Variants in SLC9A9 observed in about 807,000 individuals in gnomAD.
SLC9A9 encodes sodium/hydrogen exchanger 9.
SLC9A9 carries 62 observed loss-of-function variants against 77.8 expected under a neutral mutation model. That is an observed-to-expected ratio of 0.80 (90% CI 0.65 to 0.98). The LOEUF is 0.98. Among genes scored for constraint, SLC9A9 ranks in the 50% least tolerant of loss-of-function variants. SLC9A9 has a pLI of 0.00. For synonymous variants in SLC9A9, 320 were observed against 283.5 expected (o/e 1.13, Z -1.29); for missense variants, 775 against 774.9 (o/e 1.00, Z 0.00).
intron 12 of SLC9A9, among the ~76,000 whole-genome samples, chr3:143,452,503 T>TAAAAAAAAAAA (rs58038873): frequency 2.8e-5 from 3 of 108,880 alleles, no homozygotes; most frequent in Non-Finnish European, 3.9e-5. Context: ...TTAAAAAGAC[T>TAAAAAAAAAAA]AAAAAAAAAA....
At chr3:143,321,905 A>T (rs879923260) in intron 14 of SLC9A9, among the ~76,000 whole-genome samples, 1 of 152,166 alleles carries the variant, frequency 6.6e-6, no homozygotes, top group Non-Finnish European at 1.5e-5. Flanking sequence ...GTAAGTGAAT[A>T]TCCACACAAC....
intron 14 of SLC9A9, among the ~76,000 whole-genome samples, chr3:143,276,959 A>C (rs926523870): frequency 6.6e-6 from 1 of 152,220 alleles, no homozygotes; most frequent in African/African-American, 2.4e-5. Context: ...AGGCTGATAA[A>C]GTGGTATGCT....
intron 2 of SLC9A9, among the ~76,000 whole-genome samples, chr3:143,812,622 A>G (rs985979091): frequency 6.6e-6 from 1 of 152,216 alleles, no homozygotes. Flanking sequence ...GTTCAGGCCA[A>G]CTGAATATGG....
chr3:143,679,720 C>T (rs1933019521), intron 5 of SLC9A9, among the ~76,000 whole-genome samples: 1 of 152,010 alleles, frequency 6.6e-6, no homozygotes. Flanking sequence ...AGTTGATACT[C>T]CTAAAGGAAC....
At chr3:143,447,417 C>T (rs889392885) in intron 12 of SLC9A9, among the ~76,000 whole-genome samples, 1 of 152,144 alleles carries the variant, frequency 6.6e-6, no homozygotes, top group Non-Finnish European at 1.5e-5. Context: ...TCTTGTGTTT[C>T]TTTTGTTGCC....
intron 14 of SLC9A9, among the ~76,000 whole-genome samples, chr3:143,318,377 A>C (rs2031302376): frequency 6.6e-6 from 1 of 152,206 alleles, no homozygotes; most frequent in Non-Finnish European, 1.5e-5. Flanking sequence ...TTCTTTGAAG[A>C]ACTCAAAGTA....
intron 12 of SLC9A9, among the ~76,000 whole-genome samples, chr3:143,460,353 C>A (rs2035168702): frequency 6.6e-6 from 1 of 152,034 alleles, no homozygotes; most frequent in Non-Finnish European, 1.5e-5. Context: ...TGTGCTTACT[C>A]CATTTTGACC....
chr3:143,754,434 T>A (rs1464487671), intron 4 of SLC9A9, among the ~76,000 whole-genome samples: 2 of 152,218 alleles, frequency 1.3e-5, no homozygotes, highest in Admixed American at 6.5e-5. Flanking sequence ...CCAAACACGA[T>A]TATTTTGCCA....
At chr3:143,736,024 T>C (rs1934933038) in intron 4 of SLC9A9, among the ~76,000 whole-genome samples, 2 of 152,228 alleles carry the variant, frequency 1.3e-5, no homozygotes, top group African/African-American at 4.8e-5. Context: ...GCAAACAACT[T>C]CCCATGTTAT....
At chr3:143,308,554 C>T (rs546597879) in intron 14 of SLC9A9, among the ~76,000 whole-genome samples, 39 of 149,824 alleles carry the variant, frequency 2.6e-4, no homozygotes, top group South Asian at 6.4e-4. Flanking sequence ...CCAGCCTGGG[C>T]GACAGAGCGA....
At chr3:143,482,095 TG>T (rs1201945978) in intron 11 of SLC9A9, among the ~76,000 whole-genome samples, 1 of 152,166 alleles carries the variant, frequency 6.6e-6, no homozygotes, top group Non-Finnish European at 1.5e-5. Flanking sequence ...TATAGAACAC[TG>T]GGGTTCCATG....
At chr3:143,475,773 C>A (rs571462131) in intron 11 of SLC9A9, among the ~76,000 whole-genome samples, 24 of 134,198 alleles carry the variant, frequency 1.8e-4, no homozygotes, top group African/African-American at 6.3e-4. Context: ...GCCTGGGCGA[C>A]AGAGCGAGAC....
In SLC9A9 at chr3:143,270,273, A is replaced by G. The variant is rs1937862488; in HGVS notation, c.1605-1293T>C. 3.9e-5 allele frequency among the ~76,000 whole-genome samples: 6 copies of G among 152,196 alleles called. No individual in the cohort carries two copies. The South Asian group carries it at 1.2e-3, about 32-fold the overall frequency. ...TCTGAAAAGCTCTTGATGTTCTTTT[A>G]ATTTTCATTAGTGTTATTTCTTTCA... On this transcript the variant is annotated intron_variant, in intron 14 of 15. Transcript: ENST00000316549.
chr3:143,611,037 A>T (rs1041815068), intron 6 of SLC9A9, among the ~76,000 whole-genome samples: 3 of 152,208 alleles, frequency 2.0e-5, no homozygotes, highest in Admixed American at 2.0e-4. Flanking sequence ...AACTTCCAAA[A>T]ACTATTATCA....
intron 4 of SLC9A9, among the ~76,000 whole-genome samples, chr3:143,747,705 CTG>C (rs1935228570): frequency 6.6e-6 from 1 of 152,194 alleles, no homozygotes; most frequent in Non-Finnish European, 1.5e-5. Context: ...CCAACAGCCT[CTG>C]GGAAAAAAGA....
rs190683468 is a variant in SLC9A9 at position 143,415,121 on chromosome 3, G to T, written c.1470-33007C>A. Among the ~76,000 whole-genome samples, 1,158 of 152,320 alleles carry T rather than the reference G, an allele frequency of 7.6e-3. 9 individuals are homozygous for T. Among genetic ancestry groups the T allele is most frequent in the Non-Finnish European group, 0.014 (931 of 68,020 alleles). Reference sequence around the variant, plus strand: ...TTCAATTCTGTGAAGATTGAGAGGGGTGAGGAAACTGCAGAAGAAAAGTTT... The same window carrying T: ...TTCAATTCTGTGAAGATTGAGAGGGTTGAGGAAACTGCAGAAGAAAAGTTT... On this transcript the variant is annotated intron_variant, in intron 12 of 15. Transcript: ENST00000316549.
At chr3:143,584,810 G>A (rs993183083) in intron 6 of SLC9A9, among the ~76,000 whole-genome samples, 1 of 152,130 alleles carries the variant, frequency 6.6e-6, no homozygotes, top group Admixed American at 6.5e-5. Context: ...AAAACTTAGC[G>A]CAGCCCAACT....
intron 6 of SLC9A9, among the ~76,000 whole-genome samples, chr3:143,647,581 G>T (rs1398306042): frequency 2.6e-5 from 4 of 152,090 alleles, no homozygotes; most frequent in Non-Finnish European, 4.4e-5. Flanking sequence ...ACACAGCAAA[G>T]GTATCTGATT....
intron 5 of SLC9A9, among the ~76,000 whole-genome samples, chr3:143,672,636 G>T (rs1252347934): frequency 6.6e-6 from 1 of 152,102 alleles, no homozygotes; most frequent in East Asian, 1.9e-4. Flanking sequence ...TTTAATTATA[G>T]GTTCTTGGGT....
Sources: allele counts gnomAD v4.1 joint callset (sites outside exome capture counted in the v4.1 genomes callset), GRCh38; gene constraint gnomAD v4.1.1; transcripts MANE v1.5; gene names NCBI Gene and HGNC (gene_info 2026-07-23, HGNC 2026-07-21).